BNC2: variants seen among roughly 807,000 people sequenced by gnomAD.
BNC2 encodes basonuclin zinc finger protein 2, also known as zinc finger protein basonuclin-2.
A neutral mutation model predicts 76.3 loss-of-function variants in BNC2; 20 were observed. That is an observed-to-expected ratio of 0.26 (90% CI 0.18 to 0.38). The LOEUF is 0.38. BNC2 is among the 10% of genes least tolerant of loss of function. The pLI is 1.00. For synonymous variants in BNC2, 582 were observed against 514.8 expected, an observed-to-expected ratio of 1.13 and a Z score of -1.77; for missense variants, 1,382 against 1,399.8, an observed-to-expected ratio of 0.99 and a Z score of 0.20.
chr9:16,586,601 C>CCTCT (rs4007742), intron 3 of BNC2, among the ~76,000 whole-genome samples: 5 of 150,894 alleles, frequency 3.3e-5, no homozygotes, highest in Admixed American at 1.3e-4. Flanking sequence ...ACTGCTCTCT[C>CCTCT]CTCTCTCTCT....
At chr9:16,453,604 G>A (rs951982685) in intron 5 of BNC2, among the ~76,000 whole-genome samples, 14 of 152,212 alleles carry the variant, frequency 9.2e-5, no homozygotes, top group South Asian at 6.2e-4. Flanking sequence ...CTGGTGTCAA[G>A]GTGCTTTTTC....
chr9:16,604,109 T>C (rs1461948633), intron 3 of BNC2, among the ~76,000 whole-genome samples: 1 of 152,194 alleles, frequency 6.6e-6, no homozygotes, highest in East Asian at 1.9e-4. Flanking sequence ...TCTCTTCGTA[T>C]TGTTCTAATT....
At chr9:16,848,988 T>C (rs1819059531) in intron 1 of BNC2, among the ~76,000 whole-genome samples, 1 of 152,166 alleles carries the variant, frequency 6.6e-6, no homozygotes, top group Admixed American at 6.6e-5. Flanking sequence ...GTCCCTGAGA[T>C]ACCCCATTAT....
At chr9:16,741,999 T>C (rs1824866266) in intron 1 of BNC2, among the ~76,000 whole-genome samples, 1 of 150,310 alleles carries the variant, frequency 6.7e-6, no homozygotes, top group Admixed American at 6.6e-5. Flanking sequence ...ACGTATACCT[T>C]GATGGGCAAT....
intron 3 of BNC2, among the ~76,000 whole-genome samples, chr9:16,707,805 C>A (rs1416440382): frequency 6.6e-6 from 1 of 152,182 alleles, no homozygotes; most frequent in African/African-American, 2.4e-5. Context: ...CCACACCCGG[C>A]TAATTTTTAC....
chr9:16,641,319 A>G (rs2133852696), intron 3 of BNC2, among the ~76,000 whole-genome samples: 1 of 152,330 alleles, frequency 6.6e-6, no homozygotes, highest in South Asian at 2.1e-4. Context: ...ATCTTAAATT[A>G]TAACAGAAAG....
rs142286527 is a variant in BNC2 at position 16,861,920 on chromosome 9, T to C, written c.3+8726A>G. 7.5e-3 allele frequency among the ~76,000 whole-genome samples: 1,127 copies of C among 149,796 alleles called. 11 individuals are homozygous for C. The highest frequency in any genetic ancestry group is 0.026 in the African/African-American group (1,044 of 40,654). ...AGGAGAATGGCGTGAACCTGGGAGG[T>C]GGAGCTTGCAGTGAGCCGAGATTGC... On this transcript the variant is annotated intron_variant, in intron 1 of 6. Transcript: ENST00000380672.
intron 3 of BNC2, among the ~76,000 whole-genome samples, chr9:16,593,752 G>A (rs1310420127): frequency 6.6e-6 from 1 of 151,830 alleles, no homozygotes; most frequent in Non-Finnish European, 1.5e-5. Flanking sequence ...AACATAAATA[G>A]AAAGTAAATA....
rs955700318 is a variant in BNC2 at position 16,669,762 on chromosome 9, C to G, written c.330+58035G>C. On this transcript the variant is annotated intron_variant, in intron 3 of 6. Transcript: ENST00000380672. ...TATAAGCAGTACATATTTCTTTAAACAGAAACAACCAGAAAGAAATCAGAT... is the reference window on the plus strand; with the variant it reads ...TATAAGCAGTACATATTTCTTTAAAGAGAAACAACCAGAAAGAAATCAGAT... Among the ~76,000 whole-genome samples, 15 of 152,274 alleles carry G rather than the reference C, an allele frequency of 9.9e-5. No individual in the cohort carries two copies. In the East Asian group the frequency reaches 2.9e-3, roughly 29 times the overall value.
chr9:16,588,385 A>G (rs749579741), intron 3 of BNC2, among the ~76,000 whole-genome samples: 2 of 152,178 alleles, frequency 1.3e-5, no homozygotes, highest in Non-Finnish European at 1.5e-5. Context: ...ACATAATACC[A>G]TATTATTCAT....
intron 3 of BNC2, among the ~76,000 whole-genome samples, chr9:16,659,098 CTGAATGGA>C (rs1822018878): frequency 6.6e-6 from 1 of 151,468 alleles, no homozygotes; most frequent in Non-Finnish European, 1.5e-5. Flanking sequence ...TGCTGAATGG[CTGAATGGA>C]TGGATAGATG....
intron 5 of BNC2, among the ~76,000 whole-genome samples, chr9:16,468,987 G>C (rs758640184): frequency 6.6e-6 from 1 of 152,170 alleles, no homozygotes; most frequent in Non-Finnish European, 1.5e-5. Flanking sequence ...AATGTTTGCT[G>C]AATGAATATA....
At chr9:16,770,207 A>G (rs1229214358) in intron 1 of BNC2, among the ~76,000 whole-genome samples, 1 of 152,158 alleles carries the variant, frequency 6.6e-6, no homozygotes, top group Non-Finnish European at 1.5e-5. Flanking sequence ...CCAGAGATAC[A>G]GGAGAGTTGA....
intron 3 of BNC2, among the ~76,000 whole-genome samples, chr9:16,592,963 C>T (rs777757482): frequency 5.9e-5 from 9 of 151,844 alleles, no homozygotes; most frequent in East Asian, 3.9e-4. Flanking sequence ...TTTTTCTATC[C>T]GGAAAAATCC....
chr9:16,703,916 C>G (rs748684602), intron 3 of BNC2, among the ~76,000 whole-genome samples: 7 of 151,954 alleles, frequency 4.6e-5, no homozygotes, highest in Non-Finnish European at 8.8e-5. Context: ...CACACACATA[C>G]AAGTATATAT....
chr9:16,568,683 G>A (rs935380723), intron 4 of BNC2, among the ~76,000 whole-genome samples: 1 of 152,140 alleles, frequency 6.6e-6, no homozygotes, highest in Non-Finnish European at 1.5e-5. Context: ...TCTACTCTTA[G>A]ATTGTAAGCT....
At chr9:16,744,624 C>G (rs1268223199) in intron 1 of BNC2, among the ~76,000 whole-genome samples, 1 of 152,186 alleles carries the variant, frequency 6.6e-6, no homozygotes, top group Non-Finnish European at 1.5e-5. Context: ...GGGATCATCA[C>G]TCAGGACTTG....
chr9:16,756,828 A>C (rs1462262125), intron 1 of BNC2, among the ~76,000 whole-genome samples: 3 of 152,052 alleles, frequency 2.0e-5, no homozygotes, highest in African/African-American at 7.2e-5. Flanking sequence ...TCTCTACTAA[A>C]AATACAAAAA....
chr9:16,550,405 A>G (rs979183793), intron 5 of BNC2, among the ~76,000 whole-genome samples: 5 of 152,258 alleles, frequency 3.3e-5, no homozygotes, highest in East Asian at 1.9e-4. Context: ...AATACAGAGT[A>G]CATTTACATT....
Sources: allele counts gnomAD v4.1 joint callset (sites outside exome capture counted in the v4.1 genomes callset), GRCh38; gene constraint gnomAD v4.1.1; transcripts MANE v1.5; gene names NCBI Gene and HGNC (gene_info 2026-07-23, HGNC 2026-07-21).